Variants in ADAM23 observed in about 807,000 individuals in gnomAD.
The protein encoded by ADAM23 is ADAM metallopeptidase domain 23, also known as disintegrin and metalloproteinase domain-containing protein 23.
ADAM23 carries 33 observed loss-of-function variants against 120.1 expected under a neutral mutation model. The ratio of observed to expected loss-of-function variants is 0.27; its 90% CI spans 0.21 to 0.37. The LOEUF (loss-of-function observed/expected upper bound fraction) is 0.37, where lower values mean the gene tolerates loss of function less well. Among genes scored for constraint, ADAM23 ranks in the 10% least tolerant of loss-of-function variants. ADAM23 has a pLI of 1.00. For missense variants in ADAM23, 862 were observed against 1,058.2 expected, an observed-to-expected ratio of 0.81 and a Z score of 2.57; for synonymous variants, 367 against 375.2, an observed-to-expected ratio of 0.98 and a Z score of 0.25.
At chr2:206,547,093 A>G (rs1391033210) in intron 6 of ADAM23, among the ~76,000 whole-genome samples, 1 of 152,132 alleles carries the variant, frequency 6.6e-6, no homozygotes, top group African/African-American at 2.4e-5. Context: ...ATTAAAAAAA[A>G]TGCATGTTGA....
intron 19 of ADAM23, among the ~76,000 whole-genome samples, chr2:206,587,868 G>A (rs1434306011): frequency 6.6e-6 from 1 of 152,334 alleles, no homozygotes; most frequent in East Asian, 1.9e-4. Context: ...AATTGTAGAT[G>A]TTTAGTTTAC....
At chr2:206,490,702 C>T (rs1051866377) in intron 3 of ADAM23, among the ~76,000 whole-genome samples, 4 of 152,088 alleles carry the variant, frequency 2.6e-5, no homozygotes, top group Non-Finnish European at 4.4e-5. Flanking sequence ...ATGGATTTTT[C>T]TCTCCTGAAG....
Position 206,458,140 on chromosome 2 carries a change from T to C in ADAM23, c.432+12616T>C, listed in dbSNP as rs1205483911. Among the ~76,000 whole-genome samples, 5 of 99,752 alleles carry C rather than the reference T, an allele frequency of 5.0e-5. No homozygotes were observed. The East Asian group carries it at 1.4e-3, about 27-fold the overall frequency. The allele number at this position is 99,752 out of a possible 152,430, so 65.4% of individuals were successfully genotyped here. The stretch of plus-strand genomic sequence containing the variant: ...AGGAAGAATGGTTGGAGGTCAAGTT[T>C]CTGGAGGTCTGACAGATCAGCTGTT... On this transcript the variant is annotated intron_variant, in intron 2 of 25. Coordinates refer to ENST00000264377, the MANE Select transcript of ADAM23 (RefSeq NM_003812.4).
intron 18 of ADAM23, among the ~76,000 whole-genome samples, 175 bp from the exon 19 acceptor site, chr2:206,587,150 T>A (rs1408205364): frequency 6.6e-6 from 1 of 152,202 alleles, no homozygotes; most frequent in African/African-American, 2.4e-5. Context: ...TACTTACTTA[T>A]TTTACCAATA....
intron 25 of ADAM23, among the ~76,000 whole-genome samples, chr2:206,617,164 G>A (rs1698949581): frequency 6.6e-6 from 1 of 152,180 alleles, no homozygotes; most frequent in African/African-American, 2.4e-5. Flanking sequence ...CTATAAGCCT[G>A]AAGGGAAGTA....
chr2:206,594,902 TG>T lies in ADAM23; in HGVS notation c.2247+1del. ...CCAAGGGTAAAGTCTGTTCGGGCCA[TG>T]GGGTAAGTAGGTATCAATGTGACAG... is the stretch of plus-strand genomic sequence containing the variant. ...DSKGKVCSGH[G>X]VCSNEATCIC... On this transcript the variant is annotated frameshift_variant and splice_region_variant, in exon 23 of 26. Transcript: ENST00000264377. LOFTEE classifies it high-confidence loss of function. 6.2e-7 allele frequency: 1 copy of T among 1,614,114 alleles called. No individual in the cohort carries two copies.
rs547642938 is a variant in ADAM23 at position 206,526,062 on chromosome 2, T to C, written c.510-4823T>C. On this transcript the variant is annotated intron_variant, in intron 3 of 25. Transcript: ENST00000264377. ...CCTTGTAATGGAAGATATAAACTTT[T>C]GGGAGTTTTGACCACATGGCTGTTT... is the stretch of plus-strand genomic sequence containing the variant. Among the ~76,000 whole-genome samples, 9 of 152,168 alleles carry C rather than the reference T, an allele frequency of 5.9e-5. No homozygotes were observed. In the South Asian group the frequency reaches 1.9e-3, roughly 32 times the overall value.
chr2:206,512,418 T>C (rs1364915245), intron 3 of ADAM23, among the ~76,000 whole-genome samples: 1 of 152,216 alleles, frequency 6.6e-6, no homozygotes, highest in Non-Finnish European at 1.5e-5. Flanking sequence ...ATTTCAAAAA[T>C]GTCCTCTGGT....
At chr2:206,494,595 A>C (rs13389734) in intron 3 of ADAM23, among the ~76,000 whole-genome samples, 2,573 of 152,282 alleles carry the variant, frequency 0.017, 33 homozygotes, top group African/African-American at 0.024. Flanking sequence ...GTGGTGAGGG[A>C]CAATAACTTT....
intron 3 of ADAM23, among the ~76,000 whole-genome samples, chr2:206,529,266 A>G (rs966844938): frequency 2.0e-5 from 3 of 152,176 alleles, no homozygotes; most frequent in South Asian, 2.1e-4. Context: ...ACAATGTTCT[A>G]TGAGATTCAC....
In ADAM23 at chr2:206,540,671, G is replaced by A. The variant is rs116346505; in HGVS notation, c.574-1381G>A. Among the ~76,000 whole-genome samples, 820 of 152,092 alleles carry A rather than the reference G, an allele frequency of 5.4e-3. 7 individuals carry two copies. Among genetic ancestry groups the A allele is most frequent in the African/African-American group, 0.019 (788 of 41,454 alleles). ...ATGCTCTGCTAAGTTCGTATGGGGG[G>A]AAACCAAGAAGAAACAAGTCAACTT... On this transcript the variant is annotated intron_variant, in intron 4 of 25. Coordinates refer to ENST00000264377, the MANE Select transcript of ADAM23 (RefSeq NM_003812.4).
intron 2 of ADAM23, among the ~76,000 whole-genome samples, chr2:206,465,071 GT>G (rs1339820708): frequency 6.6e-6 from 1 of 151,998 alleles, no homozygotes; most frequent in African/African-American, 2.4e-5. Flanking sequence ...TTAGAGATGG[GT>G]TTTTGCTCTT....
At chr2:206,537,653 T>G (rs928215558) in intron 4 of ADAM23, among the ~76,000 whole-genome samples, 1 of 152,144 alleles carries the variant, frequency 6.6e-6, no homozygotes, top group African/African-American at 2.4e-5. Flanking sequence ...TTTTACTGCC[T>G]CTCAGCTTGC....
At chr2:206,571,213 C>T (rs540150806) in intron 16 of ADAM23, among the ~76,000 whole-genome samples, 20 of 152,264 alleles carry the variant, frequency 1.3e-4, no homozygotes, top group Admixed American at 4.6e-4. Flanking sequence ...CGGTGGCTGA[C>T]GCCTGTAATC....
At chr2:206,562,060 T>TGA in intron 12 of ADAM23, 143 bp from the exon 13 acceptor site, 2 of 601,910 alleles carry the variant, frequency 3.3e-6, no homozygotes, top group South Asian at 5.2e-5. Flanking sequence ...AAAGAGGAGG[T>TGA]GAGAAGTAGC....
At chr2:206,501,907 A>G (rs1301853863) in intron 3 of ADAM23, among the ~76,000 whole-genome samples, 1 of 152,186 alleles carries the variant, frequency 6.6e-6, no homozygotes, top group African/African-American at 2.4e-5. Flanking sequence ...TTGAAATATA[A>G]TGTTTTAGCA....
At chr2:206,512,279 A>C (rs536428960) in intron 3 of ADAM23, among the ~76,000 whole-genome samples, 15 of 152,238 alleles carry the variant, frequency 9.9e-5, no homozygotes, top group Non-Finnish European at 1.5e-4. Context: ...ATTCTTCTCT[A>C]GTTAAGAATT....
intron 20 of ADAM23, 38 bp downstream of exon 20, chr2:206,588,192 A>G (rs1698360074): frequency 1.9e-6 from 3 of 1,600,988 alleles, no homozygotes; most frequent in Admixed American, 3.3e-5. Flanking sequence ...TACACATACC[A>G]TTTTCTCTTA....
rs778666099 is a variant in ADAM23 at position 206,607,642 on chromosome 2, A to G, written c.2360-2268A>G. ...TGACTATTTCTAATTGTGACAGGTAAGTCTGTGTAAGTGTATGTATATTTT... is the reference window on the plus strand; with the variant it reads ...TGACTATTTCTAATTGTGACAGGTAGGTCTGTGTAAGTGTATGTATATTTT... On this transcript the variant is annotated intron_variant, in intron 24 of 25. Transcript: ENST00000264377. 3.3e-5 allele frequency among the ~76,000 whole-genome samples: 5 copies of G among 152,058 alleles called. 1 individual carries two copies. The highest frequency in any genetic ancestry group is 4.8e-5 in the African/African-American group (2 of 41,450).
Sources: gnomAD v4.1 joint callset for allele counts (sites outside exome capture counted in the v4.1 genomes callset) on GRCh38, gnomAD v4.1.1 for gene constraint, MANE v1.5 for transcripts, NCBI Gene and HGNC (gene_info 2026-07-23, HGNC 2026-07-21) for gene names.